PRKCE: variants seen among roughly 807,000 people sequenced by gnomAD.
The protein encoded by PRKCE is protein kinase C epsilon type.
Under a neutral mutation model 85.4 loss-of-function variants are expected in PRKCE, and 16 were observed. That is an observed-to-expected ratio of 0.19 (90% CI 0.13 to 0.28). The LOEUF (loss-of-function observed/expected upper bound fraction) is 0.28. Ranked by LOEUF, PRKCE falls within the 10% of genes least tolerant of loss-of-function variation. PRKCE has a pLI of 1.00. For missense variants in PRKCE, 573 were observed against 975.2 expected, an observed-to-expected ratio of 0.59 and a Z score of 5.49; for synonymous variants, 388 against 371.5, an observed-to-expected ratio of 1.04 and a Z score of -0.51.
At chr2:45,962,409 C>G (rs1410376514) in intron 2 of PRKCE, among the ~76,000 whole-genome samples, 1 of 152,230 alleles carries the variant, frequency 6.6e-6, no homozygotes, top group African/African-American at 2.4e-5. Context: ...AAGGACTGAG[C>G]TAACTGGATC....
Position 46,187,302 on chromosome 2 carries a change from A to T in PRKCE, c.*2421A>T, listed in dbSNP as rs2104760182. On this transcript the variant is annotated 3_prime_UTR_variant, in exon 15 of 15. Transcript: ENST00000306156. ...ATAATACATTCCACCTGGCAGCTGAAGGCAGCCAGTCAGTCTGTCCCAGAA... is the reference window on the plus strand; with the variant it reads ...ATAATACATTCCACCTGGCAGCTGATGGCAGCCAGTCAGTCTGTCCCAGAA... 6.6e-6 allele frequency: 1 copy of T among 152,400 alleles called. No individual in the cohort carries two copies. Among genetic ancestry groups the T allele is most frequent in the East Asian group, 1.9e-4 (1 of 5,184 alleles). The allele number at this position is 152,400 out of a possible 1,614,324, so 9.4% of individuals were successfully genotyped here.
At chr2:46,074,429 C>CAAAAAAAAAAAAAAAAAAAAAAAAAA (rs11287357) in intron 10 of PRKCE, among the ~76,000 whole-genome samples, 7 of 93,868 alleles carry the variant, frequency 7.5e-5, no homozygotes, top group Non-Finnish European at 1.1e-4. Flanking sequence ...CAACAACAAC[C>CAAAAAAAAAAAAAAAAAAAAAAAAAA]AAAAAAAAAA....
chr2:45,791,624 C>G (rs1481666620), intron 1 of PRKCE, among the ~76,000 whole-genome samples: 3 of 152,182 alleles, frequency 2.0e-5, no homozygotes, highest in African/African-American at 7.2e-5. Context: ...TGAATACCTG[C>G]AGAATTAAAT....
intron 10 of PRKCE, among the ~76,000 whole-genome samples, chr2:46,018,193 G>A (rs1225755601): frequency 1.3e-5 from 2 of 152,218 alleles, no homozygotes; most frequent in Admixed American, 6.5e-5. Flanking sequence ...ATGGGCACAG[G>A]AACGATCCAA....
chr2:45,802,019 G>A (rs896244963), intron 1 of PRKCE, among the ~76,000 whole-genome samples: 3 of 151,570 alleles, frequency 2.0e-5, no homozygotes, highest in African/African-American at 7.3e-5. Context: ...GAAGGCCAAG[G>A]CGAGAGGATC....
At chr2:46,019,350 C>A (rs1452606771) in intron 10 of PRKCE, among the ~76,000 whole-genome samples, 1 of 152,048 alleles carries the variant, frequency 6.6e-6, no homozygotes, top group Admixed American at 6.5e-5. Flanking sequence ...TGTGGGTGTG[C>A]GTGAGTGTGC....
In PRKCE at chr2:45,974,753, C is replaced by A. The variant is rs138215814; in HGVS notation, c.413-1676C>A. ...AGAGGTCCAGGAGGGATCAATGCTT[C>A]TTCCCCTGAAGACTGGCCCTGTTAT... is the stretch of plus-strand genomic sequence containing the variant. On this transcript the variant is annotated intron_variant, in intron 2 of 14. Transcript: ENST00000306156. 1.7e-3 allele frequency among the ~76,000 whole-genome samples: 262 copies of A among 152,322 alleles called. 1 individual carries two copies. The highest frequency in any genetic ancestry group is 5.9e-3 in the African/African-American group (245 of 41,572).
rs527527287 is a variant in PRKCE, at chr2:45,792,392, G to A, written c.349-50608G>A. ...ATCACATTTCAACATGAGTTTTGGC[G>A]GGGACAACTCAAATCATAGCATACG... On this transcript the variant is annotated intron_variant, in intron 1 of 14. Coordinates refer to ENST00000306156, the MANE Select transcript of PRKCE (RefSeq NM_005400.3). Among the ~76,000 whole-genome samples the A allele has an allele frequency of 2.6e-4, 39 of 152,214 alleles. No homozygotes were observed. In the South Asian group the frequency reaches 3.5e-3, roughly 14 times the overall value.
At chr2:45,669,905 G>T (rs1319078972) in intron 1 of PRKCE, among the ~76,000 whole-genome samples, 2 of 152,150 alleles carry the variant, frequency 1.3e-5, no homozygotes, top group Non-Finnish European at 2.9e-5. Context: ...CAGCTATTTT[G>T]GGGGCTGAGG....
At chr2:46,028,847 TC>T (rs1707315434) in intron 10 of PRKCE, among the ~76,000 whole-genome samples, 1 of 152,182 alleles carries the variant, frequency 6.6e-6, no homozygotes, top group Admixed American at 6.5e-5. Flanking sequence ...TGCATGTTGT[TC>T]CCCTCTATGT....
At chr2:45,967,304 A>T (rs148694283) in intron 2 of PRKCE, among the ~76,000 whole-genome samples, 39 of 152,306 alleles carry the variant, frequency 2.6e-4, no homozygotes, top group African/African-American at 8.9e-4. Context: ...AACAATCACC[A>T]TCTGAACCCA....
chr2:46,018,136 G>C (rs1392333009), intron 10 of PRKCE, among the ~76,000 whole-genome samples: 1 of 152,210 alleles, frequency 6.6e-6, no homozygotes, highest in Non-Finnish European at 1.5e-5. Context: ...TTCTGGAAAT[G>C]TTTCTGTTTT....
At chr2:45,920,317 G>A (rs1023715563) in intron 2 of PRKCE, among the ~76,000 whole-genome samples, 1 of 152,192 alleles carries the variant, frequency 6.6e-6, no homozygotes, top group African/African-American at 2.4e-5. Context: ...ACCCAATACA[G>A]GACTATAAAA....
chr2:45,731,755 C>T (rs1437476905), intron 1 of PRKCE, among the ~76,000 whole-genome samples: 1 of 151,598 alleles, frequency 6.6e-6, no homozygotes, highest in East Asian at 1.9e-4. Flanking sequence ...TCCCAAGTAG[C>T]TGGGACCATG....
intron 2 of PRKCE, among the ~76,000 whole-genome samples, chr2:45,909,005 C>A (rs937513576): frequency 4.6e-5 from 7 of 152,184 alleles, no homozygotes; most frequent in African/African-American, 1.7e-4. Flanking sequence ...TGAGCCTTGA[C>A]CTTGAAGTCA....
intron 1 of PRKCE, among the ~76,000 whole-genome samples, chr2:45,762,082 T>A (rs984574979): frequency 6.6e-6 from 1 of 151,974 alleles, no homozygotes; most frequent in African/African-American, 2.4e-5. Flanking sequence ...TCTAGGGGAG[T>A]AGCTGCTATA....
chr2:45,850,110 A>G (rs1204514804), intron 2 of PRKCE, among the ~76,000 whole-genome samples: 3 of 152,230 alleles, frequency 2.0e-5, no homozygotes, highest in East Asian at 3.8e-4. Context: ...ACAACGCCAA[A>G]TGCCAACCAT....
At chr2:46,103,510 T>A (rs1266884188) in intron 11 of PRKCE, among the ~76,000 whole-genome samples, 1 of 152,218 alleles carries the variant, frequency 6.6e-6, no homozygotes, top group Non-Finnish European at 1.5e-5. Context: ...AACTCATGTA[T>A]AATACACATA....
chr2:45,765,706 G>C (rs1255663868), intron 1 of PRKCE, among the ~76,000 whole-genome samples: 4 of 152,186 alleles, frequency 2.6e-5, no homozygotes, highest in Admixed American at 6.5e-5. Context: ...ACTCTGGACT[G>C]TTGACCCCCA....
Sources: gnomAD v4.1 joint callset for allele counts (sites outside exome capture counted in the v4.1 genomes callset) on GRCh38, gnomAD v4.1.1 for gene constraint, MANE v1.5 for transcripts, NCBI Gene and HGNC (gene_info 2026-07-23, HGNC 2026-07-21) for gene names.